The following PDLIM5 variants were observed in gnomAD, a reference collection of about 807,000 sequenced individuals.
PDLIM5 encodes the protein PDZ and LIM domain protein 5.
Under a neutral mutation model 64.2 loss-of-function variants are expected in PDLIM5, and 34 were observed. That is an observed-to-expected ratio of 0.53 (90% CI 0.40 to 0.71). The LOEUF (loss-of-function observed/expected upper bound fraction) is 0.71. Among genes scored for constraint, PDLIM5 ranks in the 30% least tolerant of loss-of-function variants. The pLI is 0.00. For synonymous variants in PDLIM5, 253 were observed against 269.1 expected (o/e 0.94, Z 0.59); for missense variants, 683 against 733.6 (o/e 0.93, Z 0.80).
chr4:94,585,617 A>G lies in PDLIM5; in HGVS notation c.763A>G (p.Thr255Ala). 1.9e-6 allele frequency: 3 copies of G among 1,613,098 alleles called. No homozygotes were observed. The highest frequency in any genetic ancestry group is 2.5e-6 in the Non-Finnish European group (3 of 1,179,622). The change falls in exon 6 of 13, where the codon ACT becomes GCT. Residue 255 changes from threonine (T) to alanine (A), a missense_variant. Transcript: ENST00000317968. ...ERYTEFYHVP[T>A]HSDASKKRLI... The stretch of plus-strand genomic sequence containing the variant: ...CTATACAGAGTTTTATCATGTACCC[A>G]CTCACAGTGATGCCAGCAAGAAGAG...
intron 2 of PDLIM5, among the ~76,000 whole-genome samples, chr4:94,462,862 T>G (rs72667613): frequency 0.019 from 2,904 of 152,308 alleles, 34 homozygotes; most frequent in Non-Finnish European, 0.031. Context: ...ACCTGTCTTC[T>G]TTTTACAGGG....
chr4:94,557,973 C>T (rs1366904899), intron 3 of PDLIM5, among the ~76,000 whole-genome samples: 1 of 152,158 alleles, frequency 6.6e-6, no homozygotes, highest in Admixed American at 6.6e-5. Flanking sequence ...GGGGGCATCC[C>T]TGTCTTGTGC....
intron 9 of PDLIM5, among the ~76,000 whole-genome samples, chr4:94,650,147 GT>G (rs1741728326): frequency 6.6e-6 from 1 of 152,184 alleles, no homozygotes; most frequent in African/African-American, 2.4e-5. Context: ...AATGTCTGCA[GT>G]TTTGAGTATT....
At chr4:94,459,337 A>G (rs958491955) in intron 2 of PDLIM5, among the ~76,000 whole-genome samples, 1 of 152,232 alleles carries the variant, frequency 6.6e-6, no homozygotes, top group African/African-American at 2.4e-5. Context: ...TTTAAGAGAT[A>G]AGAATTAGGT....
intron 2 of PDLIM5, among the ~76,000 whole-genome samples, chr4:94,518,039 C>T (rs1203749328): frequency 6.6e-6 from 1 of 152,128 alleles, no homozygotes; most frequent in Non-Finnish European, 1.5e-5. Context: ...TTGAGTATTT[C>T]CTGCAATTTA....
At chr4:94,641,422 A>G (rs185745031) in intron 9 of PDLIM5, among the ~76,000 whole-genome samples, 100 of 152,332 alleles carry the variant, frequency 6.6e-4, no homozygotes, top group African/African-American at 2.4e-3. Flanking sequence ...TCTTTAGCCT[A>G]CTATTAATTG....
chr4:94,509,276 C>T (rs183710536), intron 2 of PDLIM5, among the ~76,000 whole-genome samples: 1 of 152,264 alleles, frequency 6.6e-6, no homozygotes, highest in East Asian at 1.9e-4. Flanking sequence ...CAGAAGTCTT[C>T]CCTGACTACC....
Position 94,575,970 on chromosome 4 carries a change from A to T in PDLIM5, c.646A>T (p.Thr216Ser). Reference protein sequence around the residue: ...QPTVTSVCSETSQELAEGQRR... With the variant: ...QPTVTSVCSESSQELAEGQRR... ...CACAGTCACCAGCGTGTGTTCCGAGACTTCTCAGGAGCTAGCAGAGGGACA... is the reference window on the plus strand; with the variant it reads ...CACAGTCACCAGCGTGTGTTCCGAGTCTTCTCAGGAGCTAGCAGAGGGACA... Residue 216 changes from threonine to serine, a missense_variant, in exon 5 of 13, where the codon ACT becomes TCT. Physicochemically the swap from Thr to Ser is moderately conservative, Grantham distance 58. Transcript: ENST00000317968. The T allele has an allele frequency of 1.9e-6, 3 of 1,614,146 alleles. No individual in the cohort carries two copies. Among genetic ancestry groups the T allele is most frequent in the Non-Finnish European group, 2.5e-6 (3 of 1,180,008 alleles).
At chr4:94,515,960 G>T (rs937588033) in intron 2 of PDLIM5, among the ~76,000 whole-genome samples, 2 of 152,138 alleles carry the variant, frequency 1.3e-5, no homozygotes, top group Non-Finnish European at 2.9e-5. Flanking sequence ...TTTCTAGTAG[G>T]ATATTCACAC....
intron 3 of PDLIM5, among the ~76,000 whole-genome samples, chr4:94,545,142 A>G (rs1383022509): frequency 2.0e-5 from 3 of 152,224 alleles, no homozygotes; most frequent in Admixed American, 2.0e-4. Flanking sequence ...CCTCAATTTG[A>G]TAGTTTGCCT....
Position 94,462,485 on chromosome 4 carries a change from A to G in PDLIM5, c.96+7101A>G, listed in dbSNP as rs145612453. On this transcript the variant is annotated intron_variant, in intron 2 of 12. Coordinates refer to ENST00000317968, the MANE Select transcript of PDLIM5 (RefSeq NM_006457.5). ...GTCATAATTTTTTAAATCAGTTCCT[A>G]TTGATAGACAATTAGATTTTTTTCT... 9.1e-3 allele frequency among the ~76,000 whole-genome samples: 1,389 copies of G among 151,942 alleles called. 26 individuals carry two copies. The highest frequency in any genetic ancestry group is 0.031 in the African/African-American group (1,292 of 41,332).
chr4:94,573,503 A>G, intron 4 of PDLIM5, 110 bp downstream of exon 4: 1 of 920,284 alleles, frequency 1.1e-6, no homozygotes, highest in Non-Finnish European at 1.8e-6. Context: ...TTATAGTCTC[A>G]GTACAATTTT....
intron 2 of PDLIM5, among the ~76,000 whole-genome samples, chr4:94,465,633 A>AC (rs1724286738): frequency 6.6e-6 from 1 of 151,582 alleles, no homozygotes; most frequent in Admixed American, 6.6e-5. Context: ...CTGGTCTCAA[A>AC]CCCCTGACTC....
intron 3 of PDLIM5, among the ~76,000 whole-genome samples, chr4:94,553,123 A>T (rs1047793302): frequency 2.0e-5 from 3 of 151,372 alleles, no homozygotes; most frequent in Admixed American, 6.6e-5. Flanking sequence ...TATCAGTTTT[A>T]TTATTATTAT....
chr4:94,480,577 G>T (rs1400292005), intron 2 of PDLIM5, among the ~76,000 whole-genome samples: 2 of 152,174 alleles, frequency 1.3e-5, no homozygotes, highest in Non-Finnish European at 2.9e-5. Flanking sequence ...GAAGGCATGG[G>T]TCTGGAGCTG....
intron 3 of PDLIM5, among the ~76,000 whole-genome samples, chr4:94,553,759 A>G (rs945950587): frequency 6.6e-6 from 1 of 152,156 alleles, no homozygotes; most frequent in Non-Finnish European, 1.5e-5. Context: ...TCCATGTGTT[A>G]TGTTTACCAC....
chr4:94,611,746 A>G (rs1738382030), intron 7 of PDLIM5, among the ~76,000 whole-genome samples: 1 of 152,240 alleles, frequency 6.6e-6, no homozygotes, highest in Admixed American at 6.5e-5. Flanking sequence ...TAAAACTATC[A>G]CAAGTGTTTA....
chr4:94,498,182 A>G (rs902305786), intron 2 of PDLIM5, among the ~76,000 whole-genome samples: 4 of 152,200 alleles, frequency 2.6e-5, no homozygotes, highest in Admixed American at 6.5e-5. Context: ...GAGGGACACT[A>G]CTGTAACATT....
At chr4:94,533,123 C>A (rs1731040519) in intron 3 of PDLIM5, among the ~76,000 whole-genome samples, 1 of 152,180 alleles carries the variant, frequency 6.6e-6, no homozygotes, top group African/African-American at 2.4e-5. Context: ...TCTTATATAT[C>A]TCTTTTTCTT....
Sources: allele counts gnomAD v4.1 joint callset (sites outside exome capture counted in the v4.1 genomes callset), GRCh38; gene constraint gnomAD v4.1.1; transcripts MANE v1.5; gene names NCBI Gene and HGNC (gene_info 2026-07-23, HGNC 2026-07-21).